HS6ST3: variants seen among roughly 807,000 people sequenced by gnomAD.
HS6ST3 encodes the protein heparan-sulfate 6-O-sulfotransferase 3.
HS6ST3 carries 12 observed loss-of-function variants against 36.7 expected under a neutral mutation model. The observed-to-expected ratio is 0.33, with a 90% CI of 0.21 to 0.53. The LOEUF (loss-of-function observed/expected upper bound fraction) is 0.53. HS6ST3 is among the 20% of genes least tolerant of loss of function. HS6ST3 has a pLI of 0.95. For synonymous variants in HS6ST3, 240 were observed against 257.5 expected, an observed-to-expected ratio of 0.93 and a Z score of 0.65; for missense variants, 584 against 640.9, an observed-to-expected ratio of 0.91 and a Z score of 0.96.
intron 1 of HS6ST3, among the ~76,000 whole-genome samples, chr13:96,328,145 C>G (rs1198535990): frequency 2.8e-5 from 4 of 141,188 alleles, no homozygotes; most frequent in African/African-American, 1.1e-4. Context: ...ATTTGACTTC[C>G]TCTTTTCCTA....
At chr13:96,200,104 C>G (rs1199607636) in intron 1 of HS6ST3, among the ~76,000 whole-genome samples, 1 of 152,142 alleles carries the variant, frequency 6.6e-6, no homozygotes, top group Non-Finnish European at 1.5e-5. Context: ...AGTATCAGAA[C>G]TGAAATTTGC....
intron 1 of HS6ST3, among the ~76,000 whole-genome samples, chr13:96,240,963 C>T (rs1192922354): frequency 6.6e-6 from 1 of 152,186 alleles, no homozygotes; most frequent in Non-Finnish European, 1.5e-5. Flanking sequence ...GGTTCTGAAT[C>T]TCGGGAGACT....
intron 1 of HS6ST3, among the ~76,000 whole-genome samples, chr13:96,263,749 C>T (rs1004187303): frequency 3.3e-5 from 5 of 152,154 alleles, no homozygotes; most frequent in African/African-American, 1.2e-4. Flanking sequence ...CTGGAGTAGA[C>T]CATTGGCTTA....
At chr13:96,496,509 T>G (rs2055976491) in intron 1 of HS6ST3, among the ~76,000 whole-genome samples, 1 of 152,096 alleles carries the variant, frequency 6.6e-6, no homozygotes, top group Non-Finnish European at 1.5e-5. Context: ...AAATAAGAGA[T>G]CTGACTACCT....
At chr13:96,793,798 T>C (rs74714790) in intron 1 of HS6ST3, among the ~76,000 whole-genome samples, 5,485 of 152,118 alleles carry the variant, frequency 0.036, 331 homozygotes, top group African/African-American at 0.12. Flanking sequence ...CTTTAGAGTC[T>C]GCTACATCCT....
intron 1 of HS6ST3, among the ~76,000 whole-genome samples, chr13:96,171,529 G>A (rs999094030): frequency 1.3e-5 from 2 of 152,150 alleles, no homozygotes; most frequent in African/African-American, 4.8e-5. Flanking sequence ...GTGGGACCCA[G>A]CCAATCTCAT....
intron 1 of HS6ST3, among the ~76,000 whole-genome samples, chr13:96,625,543 C>A (rs1405947574): frequency 1.3e-5 from 2 of 152,028 alleles, no homozygotes; most frequent in Admixed American, 1.3e-4. Flanking sequence ...ATAATTTTTC[C>A]AATTAACACA....
chr13:96,433,143 G>T (rs1566359701), intron 1 of HS6ST3, among the ~76,000 whole-genome samples: 2 of 152,156 alleles, frequency 1.3e-5, no homozygotes, highest in Non-Finnish European at 2.9e-5. Context: ...ATAATTGAAT[G>T]ATAATAAAAT....
chr13:96,319,785 T>C (rs1311276481), intron 1 of HS6ST3, among the ~76,000 whole-genome samples: 1 of 152,240 alleles, frequency 6.6e-6, no homozygotes, highest in African/African-American at 2.4e-5. Flanking sequence ...GATTTCGTTT[T>C]AAAGCAGGTG....
intron 1 of HS6ST3, among the ~76,000 whole-genome samples, chr13:96,426,222 A>G (rs535071766): frequency 1.3e-5 from 2 of 152,244 alleles, no homozygotes; most frequent in Admixed American, 1.3e-4. Flanking sequence ...TAAAGCTAAT[A>G]AGCTTCATAA....
At chr13:96,472,033 G>T (rs148279069) in intron 1 of HS6ST3, among the ~76,000 whole-genome samples, 39 of 152,288 alleles carry the variant, frequency 2.6e-4, no homozygotes, top group Non-Finnish European at 4.1e-4. Flanking sequence ...AACATGGGCT[G>T]CTTCTAAAGG....
chr13:96,341,031 A>G (rs1280004758), intron 1 of HS6ST3, among the ~76,000 whole-genome samples: 1 of 152,208 alleles, frequency 6.6e-6, no homozygotes, highest in Non-Finnish European at 1.5e-5. Context: ...AAGATGGCAT[A>G]CATTTGCTAT....
At chr13:96,429,050 A>G (rs1594778227) in intron 1 of HS6ST3, among the ~76,000 whole-genome samples, 1 of 152,236 alleles carries the variant, frequency 6.6e-6, no homozygotes, top group South Asian at 2.1e-4. Context: ...AAAGGCACAG[A>G]AATTTTTTTC....
intron 1 of HS6ST3, among the ~76,000 whole-genome samples, chr13:96,104,637 C>G (rs1303541414): frequency 6.6e-6 from 1 of 152,210 alleles, no homozygotes; most frequent in Non-Finnish European, 1.5e-5. Flanking sequence ...TCCACTATCC[C>G]ACTGCTTTAA....
intron 1 of HS6ST3, among the ~76,000 whole-genome samples, chr13:96,593,145 T>TCTC (rs2056388844): frequency 6.7e-6 from 1 of 149,974 alleles, no homozygotes; most frequent in African/African-American, 2.4e-5. Flanking sequence ...TTCTTTTTTG[T>TCTC]CTCCTCTGAC....
intron 1 of HS6ST3, among the ~76,000 whole-genome samples, chr13:96,437,207 A>G (rs1049758879): frequency 1.3e-5 from 2 of 152,188 alleles, no homozygotes; most frequent in Non-Finnish European, 2.9e-5. Context: ...CTTCATGCAC[A>G]TCCAGATCAG....
intron 1 of HS6ST3, among the ~76,000 whole-genome samples, chr13:96,459,995 C>A (rs577022746): frequency 1.3e-5 from 2 of 152,226 alleles, no homozygotes; most frequent in Admixed American, 1.3e-4. Flanking sequence ...GATTAATGGG[C>A]AAATTGGTTT....
chr13:96,535,277 C>T (rs1402593011), intron 1 of HS6ST3, among the ~76,000 whole-genome samples: 2 of 152,016 alleles, frequency 1.3e-5, no homozygotes, highest in African/African-American at 4.8e-5. Flanking sequence ...AGAATCTTGG[C>T]CGGGCATGGT....
At chr13:96,710,330 A>C (rs560659829) in intron 1 of HS6ST3, among the ~76,000 whole-genome samples, 1 of 152,230 alleles carries the variant, frequency 6.6e-6, no homozygotes, top group East Asian at 1.9e-4. Flanking sequence ...GGCCTGACTC[A>C]GCAGAGCTCT....
Sources: allele counts gnomAD v4.1 joint callset (sites outside exome capture counted in the v4.1 genomes callset), GRCh38; gene constraint gnomAD v4.1.1; transcripts MANE v1.5; gene names NCBI Gene and HGNC (gene_info 2026-07-23, HGNC 2026-07-21).